The following MTUS2 variants were observed in gnomAD, a reference collection of about 807,000 sequenced individuals.
MTUS2 encodes microtubule-associated tumor suppressor candidate 2.
MTUS2 carries 40 observed loss-of-function variants against 114.1 expected under a neutral mutation model. The ratio of observed to expected loss-of-function variants is 0.35; its 90% CI spans 0.27 to 0.46. The LOEUF is 0.46. Ranked by LOEUF, MTUS2 falls within the 20% of genes least tolerant of loss-of-function variation. The probability of loss-of-function intolerance (pLI) is 1.00; values close to 1 mark genes in which losing one functional copy is unlikely to be tolerated. For synonymous variants in MTUS2, 688 were observed against 672.0 expected (o/e 1.02, Z -0.37); for missense variants, 1,679 against 1,705.4 (o/e 0.98, Z 0.27).
chr13:28,836,414 C>T (rs1252623567), intron 1 of MTUS2, among the ~76,000 whole-genome samples: 3 of 152,194 alleles, frequency 2.0e-5, no homozygotes, highest in Admixed American at 2.0e-4. Flanking sequence ...GATTCAAATT[C>T]TAGCTTTGGC....
At position 29,218,976 on chromosome 13, in the gene MTUS2, AT is replaced by A. The variant is rs1231743804; in HGVS notation, c.2645-62720del. Among the ~76,000 whole-genome samples, 1,298 of 144,122 alleles carry A rather than the reference AT, an allele frequency of 9.0e-3. 15 individuals carry two copies. Among genetic ancestry groups the A allele is most frequent in the African/African-American group, 0.032 (1,225 of 38,740 alleles). The allele number at this position is 144,122 out of a possible 152,430, so 94.5% of individuals were successfully genotyped here. A position where few individuals can be genotyped will look rare whatever the true frequency, so the allele number is the denominator to read the frequency against. On this transcript the variant is annotated intron_variant, in intron 5 of 15. Coordinates refer to ENST00000612955, the MANE Select transcript of MTUS2 (RefSeq NM_001033602.4). ...TCTTTTTTTTTTTTTTGTCATATAT[AT>A]TTTTTTTATTATACTTTAAGTTTTA...
At chr13:29,151,653 G>T (rs1892668164) in intron 5 of MTUS2, among the ~76,000 whole-genome samples, 1 of 152,138 alleles carries the variant, frequency 6.6e-6, no homozygotes. Flanking sequence ...TCTATTCAGT[G>T]TGATGTTGGC....
chr13:29,150,891 C>G (rs1453425312), intron 5 of MTUS2, among the ~76,000 whole-genome samples: 1 of 152,030 alleles, frequency 6.6e-6, no homozygotes, highest in Non-Finnish European at 1.5e-5. Flanking sequence ...CTATGGTGTT[C>G]CATTCGTCTA....
At chr13:29,133,046 A>G (rs1352644647) in intron 5 of MTUS2, among the ~76,000 whole-genome samples, 2 of 151,654 alleles carry the variant, frequency 1.3e-5, no homozygotes, top group Non-Finnish European at 2.9e-5. Context: ...TTTTTTCTTA[A>G]TAGTAGCCAT....
In MTUS2 at chr13:29,067,184, G is replaced by A. The variant is rs1457095998; in HGVS notation, c.2446+33059G>A. On this transcript the variant is annotated intron_variant, in intron 4 of 15. Transcript: ENST00000612955. ...GAAGTCTGAGCCAAAGATACAATGT[G>A]GTGTCATTACCCCATGGATGTGAGT... 2.0e-5 allele frequency among the ~76,000 whole-genome samples: 3 copies of A among 152,214 alleles called. No individual in the cohort carries two copies. In the East Asian group the frequency reaches 5.8e-4, roughly 29 times the overall value.
intron 2 of MTUS2, among the ~76,000 whole-genome samples, chr13:28,894,341 AGAGAGAGAGT>A (rs1566203783): frequency 1.0e-5 from 1 of 98,538 alleles, no homozygotes; most frequent in African/African-American, 4.4e-5. Flanking sequence ...AGAGAGAGAG[AGAGAGAGAGT>A]GAGAGTGAGA....
intron 2 of MTUS2, among the ~76,000 whole-genome samples, chr13:28,868,170 T>A (rs1490616114): frequency 1.3e-5 from 2 of 152,218 alleles, no homozygotes; most frequent in African/African-American, 4.8e-5. Flanking sequence ...CCTAGAGGAT[T>A]TTGGATGTGC....
intron 4 of MTUS2, among the ~76,000 whole-genome samples, chr13:29,097,992 C>A (rs1890248563): frequency 6.6e-6 from 1 of 152,140 alleles, no homozygotes; most frequent in South Asian, 2.1e-4. Context: ...TACATTCAGT[C>A]AGAAGAGCTG....
chr13:29,249,189 C>G (rs1897036963), intron 5 of MTUS2, among the ~76,000 whole-genome samples: 1 of 151,998 alleles, frequency 6.6e-6, no homozygotes, highest in Admixed American at 6.6e-5. Flanking sequence ...TGGGGTTTCA[C>G]CATATTGGCC....
At chr13:29,283,132 C>A (rs1057506151) in intron 6 of MTUS2, among the ~76,000 whole-genome samples, 3 of 152,164 alleles carry the variant, frequency 2.0e-5, no homozygotes, top group African/African-American at 7.2e-5. Flanking sequence ...TAGGTGTTAT[C>A]CCTTTCTAGA....
At chr13:29,269,035 T>C (rs934989601) in intron 5 of MTUS2, among the ~76,000 whole-genome samples, 2 of 152,152 alleles carry the variant, frequency 1.3e-5, no homozygotes, top group African/African-American at 4.8e-5. Flanking sequence ...ACTACAAGAA[T>C]ATGAGCTCCA....
intron 5 of MTUS2, among the ~76,000 whole-genome samples, chr13:29,168,264 C>T (rs781455892): frequency 1.3e-5 from 2 of 152,130 alleles, no homozygotes; most frequent in Non-Finnish European, 2.9e-5. Flanking sequence ...TTGTTATGGA[C>T]GTTGATGATG....
intron 2 of MTUS2, among the ~76,000 whole-genome samples, chr13:28,987,893 C>G (rs1365768405): frequency 6.6e-6 from 1 of 152,186 alleles, no homozygotes; most frequent in African/African-American, 2.4e-5. Flanking sequence ...GCACATACCA[C>G]TGGGCCACTT....
intron 4 of MTUS2, among the ~76,000 whole-genome samples, chr13:29,058,966 T>A (rs930530806): frequency 5.3e-5 from 8 of 152,166 alleles, no homozygotes; most frequent in African/African-American, 1.9e-4. Flanking sequence ...CCTATATTGA[T>A]TTATTGTATT....
chr13:29,244,974 A>C (rs929020670), intron 5 of MTUS2, among the ~76,000 whole-genome samples: 1 of 149,084 alleles, frequency 6.7e-6, no homozygotes, highest in East Asian at 2.0e-4. Context: ...AAAAAAAAAA[A>C]AAAAAAAGTA....
chr13:29,444,923 G>A, intron 9 of MTUS2, among the ~76,000 whole-genome samples: 1 of 152,154 alleles, frequency 6.6e-6, no homozygotes, highest in East Asian at 1.9e-4. Context: ...TCTGCCTGGG[G>A]GACTCAGTCT....
At chr13:29,426,772 C>G (rs972510309) in intron 8 of MTUS2, among the ~76,000 whole-genome samples, 13 of 152,172 alleles carry the variant, frequency 8.5e-5, no homozygotes, top group Non-Finnish European at 1.2e-4. Context: ...GTCAGAATTT[C>G]CTTCCTTTTT....
Position 29,024,954 on chromosome 13 carries a change from A to G in MTUS2, c.256A>G (p.Lys86Glu). The G allele has an allele frequency of 6.2e-7, 1 of 1,613,794 alleles. No homozygotes were observed. Among genetic ancestry groups the G allele is most frequent in the Non-Finnish European group, 8.5e-7 (1 of 1,179,810 alleles). ...KEFHQLQGFG[K>E]GSQAGSASLK... Reference sequence around the variant, plus strand: ...ATTTCACCAACTTCAGGGCTTTGGGAAAGGCTCTCAGGCTGGCTCTGCCAG... The same window carrying G: ...ATTTCACCAACTTCAGGGCTTTGGGGAAGGCTCTCAGGCTGGCTCTGCCAG... Residue 86 changes from lysine (K) to glutamate (E), a missense_variant, in exon 3 of 16, where the codon AAA becomes GAA. Lys to Glu is a moderately conservative substitution (Grantham distance 56). Coordinates refer to ENST00000612955, the MANE Select transcript of MTUS2 (RefSeq NM_001033602.4).
intron 5 of MTUS2, among the ~76,000 whole-genome samples, chr13:29,116,548 G>T (rs566018448): frequency 2.6e-5 from 4 of 152,046 alleles, no homozygotes; most frequent in Non-Finnish European, 5.9e-5. Context: ...ACATACCTAG[G>T]ATCAAGTATG....
Sources: gnomAD v4.1 joint callset for allele counts (sites outside exome capture counted in the v4.1 genomes callset) on GRCh38, gnomAD v4.1.1 for gene constraint, MANE v1.5 for transcripts, NCBI Gene and HGNC (gene_info 2026-07-23, HGNC 2026-07-21) for gene names.